LPGAT1: variants seen among roughly 807,000 people sequenced by gnomAD.
LPGAT1 encodes the protein lysophosphatidylglycerol acyltransferase 1.
Under a neutral mutation model 47.5 loss-of-function variants are expected in LPGAT1, and 11 were observed. The ratio of observed to expected loss-of-function variants is 0.23; its 90% CI spans 0.15 to 0.38. The LOEUF is 0.38. Among genes scored for constraint, LPGAT1 ranks in the 10% least tolerant of loss-of-function variants. The probability of loss-of-function intolerance (pLI) is 1.00; values close to 1 mark genes in which losing one functional copy is unlikely to be tolerated. For synonymous variants in LPGAT1, 138 were observed against 144.2 expected (o/e 0.96, Z 0.31); for missense variants, 293 against 439.0 (o/e 0.67, Z 2.97).
intron 2 of LPGAT1, among the ~76,000 whole-genome samples, chr1:211,814,642 C>A (rs939252536): frequency 3.3e-5 from 5 of 152,132 alleles, no homozygotes; most frequent in Admixed American, 3.3e-4. Context: ...TCAGGTACAA[C>A]CCTAAGTGGG....
chr1:211,781,203 T>A (rs1303779711), intron 5 of LPGAT1, among the ~76,000 whole-genome samples: 1 of 152,198 alleles, frequency 6.6e-6, no homozygotes, highest in Admixed American at 6.5e-5. Context: ...ATGAAAAGCT[T>A]TCAGGTAGGA....
chr1:211,811,616 G>C (rs2102588270), intron 2 of LPGAT1, among the ~76,000 whole-genome samples: 1 of 152,284 alleles, frequency 6.6e-6, no homozygotes, highest in South Asian at 2.1e-4. Flanking sequence ...AATTAGCCAG[G>C]CATGGTGGTG....
intron 6 of LPGAT1, among the ~76,000 whole-genome samples, chr1:211,758,351 T>C (rs1657549993): frequency 1.3e-5 from 2 of 152,188 alleles, no homozygotes. Context: ...GACAATTTTG[T>C]TTTTACCTTT....
chr1:211,811,988 A>G (rs751748271), intron 2 of LPGAT1, among the ~76,000 whole-genome samples: 32 of 152,236 alleles, frequency 2.1e-4, no homozygotes, highest in Non-Finnish European at 4.3e-4. Context: ...TATCACTCAC[A>G]TTGTGCACAT....
intron 2 of LPGAT1, among the ~76,000 whole-genome samples, chr1:211,806,894 T>C (rs1420072657): frequency 6.6e-6 from 1 of 152,150 alleles, no homozygotes; most frequent in East Asian, 1.9e-4. Flanking sequence ...GGCAGAGATG[T>C]CCACTCTCAT....
At chr1:211,798,316 G>A (rs1241046085) in intron 2 of LPGAT1, among the ~76,000 whole-genome samples, 1 of 152,156 alleles carries the variant, frequency 6.6e-6, no homozygotes, top group Non-Finnish European at 1.5e-5. Flanking sequence ...TGGGATTAAA[G>A]TCACTTTTGG....
intron 4 of LPGAT1, among the ~76,000 whole-genome samples, chr1:211,785,846 A>G (rs887855082): frequency 6.6e-6 from 1 of 152,098 alleles, no homozygotes; most frequent in Non-Finnish European, 1.5e-5. Context: ...GCCTCAAGCA[A>G]TCTGTCCACC....
chr1:211,757,198 G>A (rs752358330), intron 6 of LPGAT1, among the ~76,000 whole-genome samples: 1 of 151,488 alleles, frequency 6.6e-6, no homozygotes, highest in Non-Finnish European at 1.5e-5. Context: ...AGGTTGCAGT[G>A]AGCCGAGATC....
Position 211,830,595 on chromosome 1 carries a change from C to T in LPGAT1, c.-50G>A. ...TACCTCGGGCTGGCCGGGCCCCAGC[C>T]GGGGCTTTGGGAGTCAGAGGAGCCG... is the stretch of plus-strand genomic sequence containing the variant. On this transcript the variant is annotated 5_prime_UTR_variant, in exon 1 of 8. Transcript: ENST00000366997. This position sits in a 1 kb window ranked among gnomAD's most constrained non-coding sequence, Gnocchi z 5.9. 8.3e-7 allele frequency: 1 copy of T among 1,209,308 alleles called. No homozygotes were observed. 74.9% of individuals were successfully genotyped at this position (1,209,308 alleles called of 1,614,324 possible). A position where few individuals can be genotyped will look rare whatever the true frequency, so the allele number is the denominator to read the frequency against.
At position 211,778,907 on chromosome 1, in the gene LPGAT1, A is replaced by T. The variant is rs754156279; in HGVS notation, c.854+11T>A. ...TTGGATATATACTGAGTACTAATAT[A>T]GAATTCTTACCTGTAATGTACATGT... On this transcript the variant is annotated intron_variant, in intron 6 of 7. Transcript: ENST00000366997. 5 of 1,574,696 alleles carry T rather than the reference A, an allele frequency of 3.2e-6. No individual in the cohort carries two copies. The South Asian group carries it at 6.0e-5, about 19-fold the overall frequency.
intron 6 of LPGAT1, among the ~76,000 whole-genome samples, chr1:211,764,251 CTATT>C (rs1183975815): frequency 6.6e-6 from 1 of 151,890 alleles, no homozygotes; most frequent in Admixed American, 6.6e-5. Context: ...AGTTTGTGCT[CTATT>C]TATTTTCTCA....
At chr1:211,809,752 T>A (rs889324339) in intron 2 of LPGAT1, among the ~76,000 whole-genome samples, 3 of 152,204 alleles carry the variant, frequency 2.0e-5, no homozygotes, top group African/African-American at 7.2e-5. Flanking sequence ...ACCATGATTG[T>A]GAGACCTCCC....
chr1:211,781,685 C>CTTATT (rs889380995), intron 5 of LPGAT1, among the ~76,000 whole-genome samples: 1 of 152,278 alleles, frequency 6.6e-6, no homozygotes, highest in East Asian at 1.9e-4. Context: ...CATTTCAATT[C>CTTATT]TTATTTTATT....
At chr1:211,753,459 A>T (rs533232760) in intron 6 of LPGAT1, among the ~76,000 whole-genome samples, 2 of 151,456 alleles carry the variant, frequency 1.3e-5, no homozygotes, top group East Asian at 1.9e-4. Flanking sequence ...ATTGTATTTT[A>T]TTTTTTTGCT....
At chr1:211,805,850 A>G (rs1659736952) in intron 2 of LPGAT1, among the ~76,000 whole-genome samples, 1 of 152,250 alleles carries the variant, frequency 6.6e-6, no homozygotes. Context: ...AAAGCTACAG[A>G]CTAAAACCAT....
Position 211,830,613 on chromosome 1 carries a change from A to G in LPGAT1, c.-68T>C. On this transcript the variant is annotated 5_prime_UTR_variant, in exon 1 of 8. Transcript: ENST00000366997. This position sits in a 1 kb window ranked among gnomAD's most constrained non-coding sequence, Gnocchi z 5.9. ...CCCCAGCCGGGGCTTTGGGAGTCAGAGGAGCCGGAAGAATGCATGGCCGGC... is the reference window on the plus strand; with the variant it reads ...CCCCAGCCGGGGCTTTGGGAGTCAGGGGAGCCGGAAGAATGCATGGCCGGC... 1 of 1,198,198 alleles carries G rather than the reference A, an allele frequency of 8.3e-7. No homozygotes were observed. The highest frequency in any genetic ancestry group is 1.0e-6 in the Non-Finnish European group (1 of 966,810). 74.2% of individuals were successfully genotyped at this position (1,198,198 alleles called of 1,614,324 possible). A position where few individuals can be genotyped will look rare whatever the true frequency, so the allele number is the denominator to read the frequency against.
intron 6 of LPGAT1, 21 bp from the exon 7 acceptor site, chr1:211,751,088 A>G: frequency 6.7e-7 from 1 of 1,501,984 alleles, no homozygotes; most frequent in Non-Finnish European, 9.2e-7. Flanking sequence ...TTAGAAGAAA[A>G]GAACAAAAAC....
chr1:211,830,260 C>T lies in LPGAT1; in HGVS notation c.-28+313G>A. On this transcript the variant is annotated intron_variant, in intron 1 of 7. Transcript: ENST00000366997. This position sits in a 1 kb window ranked among gnomAD's most constrained non-coding sequence, Gnocchi z 5.9. The stretch of plus-strand genomic sequence containing the variant: ...CGCCGAGGGGTCGCGGTCATGGACG[C>T]GGTGGCGGCCCAAGCGGCCCGAGGC... 1.0e-6 allele frequency: 1 copy of T among 1,000,430 alleles called. No individual in the cohort carries two copies. Among genetic ancestry groups the T allele is most frequent in the Non-Finnish European group, 1.2e-6 (1 of 840,368 alleles). 62.0% of individuals were successfully genotyped at this position (1,000,430 alleles called of 1,614,324 possible).
At chr1:211,820,855 A>G (rs1420313711) in intron 2 of LPGAT1, among the ~76,000 whole-genome samples, 1 of 152,212 alleles carries the variant, frequency 6.6e-6, no homozygotes, top group Non-Finnish European at 1.5e-5. Flanking sequence ...AAAGGCACAC[A>G]TGTACCAGGA....
Sources: allele counts gnomAD v4.1 joint callset (sites outside exome capture counted in the v4.1 genomes callset), GRCh38; gene constraint gnomAD v4.1.1; non-coding constraint Gnocchi (gnomAD v3.1); transcripts MANE v1.5; gene names NCBI Gene and HGNC (gene_info 2026-07-23, HGNC 2026-07-21).